Variants in MARCHF10 observed in about 807,000 individuals in gnomAD.
MARCHF10 encodes probable E3 ubiquitin-protein ligase MARCHF10.
A neutral mutation model predicts 76.2 loss-of-function variants in MARCHF10; 64 were observed. The observed-to-expected ratio is 0.84, with a 90% CI of 0.69 to 1.03. The LOEUF (loss-of-function observed/expected upper bound fraction) is 1.03, where lower values mean the gene tolerates loss of function less well. MARCHF10 is among the 50% of genes least tolerant of loss of function. MARCHF10 has a pLI of 0.00. For synonymous variants in MARCHF10, 340 were observed against 357.5 expected (o/e 0.95, Z 0.55); for missense variants, 875 against 958.0 (o/e 0.91, Z 1.14).
chr17:62,768,210 C>G (rs959592668), intron 3 of MARCHF10, among the ~76,000 whole-genome samples: 1 of 152,152 alleles, frequency 6.6e-6, no homozygotes, highest in African/African-American at 2.4e-5. Flanking sequence ...TAACATTACT[C>G]TAACATAGAA....
chr17:62,753,856 G>T (rs149737656), intron 4 of MARCHF10, among the ~76,000 whole-genome samples: 123 of 152,254 alleles, frequency 8.1e-4, no homozygotes, highest in African/African-American at 2.5e-3. Context: ...TGTGTTTTGT[G>T]TTCTGGTTCC....
chr17:62,807,276 A>G (rs927249783), intron 1 of MARCHF10, among the ~76,000 whole-genome samples: 1 of 152,204 alleles, frequency 6.6e-6, no homozygotes, highest in Admixed American at 6.5e-5. Flanking sequence ...CCAATTTAAG[A>G]ATACTGTGAC....
intron 3 of MARCHF10, among the ~76,000 whole-genome samples, 178 bp downstream of exon 3, chr17:62,788,302 G>T (rs2092778898): frequency 6.6e-6 from 1 of 152,190 alleles, no homozygotes; most frequent in Non-Finnish European, 1.5e-5. Context: ...GGTGTCCCCA[G>T]GAAGGGAGTT....
chr17:62,739,077 T>C (rs2091406254), intron 5 of MARCHF10, among the ~76,000 whole-genome samples: 1 of 152,150 alleles, frequency 6.6e-6, no homozygotes, highest in African/African-American at 2.4e-5. Flanking sequence ...GGTGGGCAGA[T>C]CACTTAAGGT....
At chr17:62,757,216 G>C (rs8067172) in intron 4 of MARCHF10, among the ~76,000 whole-genome samples, 193 of 152,144 alleles carry the variant, frequency 1.3e-3, no homozygotes, top group African/African-American at 4.5e-3. Context: ...ATGTTGCGAA[G>C]GAATTTCACT....
intron 10 of MARCHF10, among the ~76,000 whole-genome samples, chr17:62,702,744 G>A (rs1015037626): frequency 3.3e-5 from 5 of 152,152 alleles, no homozygotes; most frequent in African/African-American, 1.2e-4. Flanking sequence ...CACGGAGCAG[G>A]AGCAACTGAC....
chr17:62,790,605 T>C (rs1167593636), intron 2 of MARCHF10, among the ~76,000 whole-genome samples: 1 of 152,218 alleles, frequency 6.6e-6, no homozygotes. Context: ...ATATTGTTTG[T>C]AAACTAGGCC....
At chr17:62,729,043 G>C (rs969019957) in intron 6 of MARCHF10, among the ~76,000 whole-genome samples, 1 of 152,106 alleles carries the variant, frequency 6.6e-6, no homozygotes, top group African/African-American at 2.4e-5. Context: ...GGCTCAAAGT[G>C]ATCCTCCTGC....
intron 1 of MARCHF10, among the ~76,000 whole-genome samples, chr17:62,804,390 C>T (rs2093129511): frequency 6.6e-6 from 1 of 151,930 alleles, no homozygotes; most frequent in African/African-American, 2.4e-5. Context: ...GACACAGGGA[C>T]AAAACCTCGT....
rs369893899 is a variant in MARCHF10, at chr17:62,759,911, T to C, written c.306A>G (p.Thr102=). 8 of 1,614,138 alleles carry C rather than the reference T, an allele frequency of 5.0e-6. No homozygotes were observed. The highest frequency in any genetic ancestry group is 2.2e-5 in the East Asian group (1 of 44,886). The part of the protein sequence containing the change: ...CDSKLPAIDQ[T]SVKQKHKSTM... Reference sequence around the variant, plus strand: ...TACTTTTATGTTTCTGCTTGACTGATGTTTGGTCAATTGCTGGAAGTTTGG... The same window carrying C: ...TACTTTTATGTTTCTGCTTGACTGACGTTTGGTCAATTGCTGGAAGTTTGG... Residue 102 remains threonine, a synonymous_variant, in exon 4 of 11, where the codon ACA becomes ACG. Transcript: ENST00000311269.
chr17:62,776,610 C>G (rs2092559132), intron 3 of MARCHF10, among the ~76,000 whole-genome samples: 2 of 152,152 alleles, frequency 1.3e-5, no homozygotes, highest in African/African-American at 2.4e-5. Context: ...TCTCCAGCAC[C>G]CTGGTCTGCC....
intron 10 of MARCHF10, 151 bp from the exon 11 acceptor site, chr17:62,701,909 C>T (rs2089262621): frequency 1.0e-6 from 1 of 967,136 alleles, no homozygotes; most frequent in South Asian, 1.5e-5. Flanking sequence ...GTGTGGGGAA[C>T]AGAGACCTGC....
intron 7 of MARCHF10, among the ~76,000 whole-genome samples, 180 bp from the exon 8 acceptor site, chr17:62,722,777 T>G (rs1599096582): frequency 7.2e-6 from 1 of 138,542 alleles, no homozygotes; most frequent in Non-Finnish European, 1.7e-5. Flanking sequence ...AGCTGAAAAA[T>G]TTCCTTTGTA....
At chr17:62,801,444 T>C (rs1383186413) in intron 2 of MARCHF10, among the ~76,000 whole-genome samples, 2 of 150,224 alleles carry the variant, frequency 1.3e-5, no homozygotes, top group African/African-American at 2.4e-5. Context: ...TGAGCCACCG[T>C]GCCCAGCTAT....
At chr17:62,705,413 G>A (rs1342880330) in intron 10 of MARCHF10, 126 bp downstream of exon 10, 2 of 1,577,508 alleles carry the variant, frequency 1.3e-6, no homozygotes, top group African/African-American at 1.4e-5. Flanking sequence ...CAAGCTTTGC[G>A]GGGTTATTTT....
chr17:62,801,551 A>C, intron 2 of MARCHF10, 95 bp downstream of exon 2: 2 of 1,133,760 alleles, frequency 1.8e-6, no homozygotes, highest in South Asian at 1.3e-5. Context: ...ATTTTAGAAA[A>C]CTTTTACTGC....
intron 8 of MARCHF10, among the ~76,000 whole-genome samples, chr17:62,713,035 C>T (rs1037587804): frequency 6.6e-6 from 1 of 152,222 alleles, no homozygotes; most frequent in African/African-American, 2.4e-5. Context: ...GTAAGCCACC[C>T]TGCCTAGCCA....
At chr17:62,743,158 A>G (rs1396728574) in intron 5 of MARCHF10, among the ~76,000 whole-genome samples, 1 of 152,184 alleles carries the variant, frequency 6.6e-6, no homozygotes, top group Non-Finnish European at 1.5e-5. Context: ...CCAAGATGCC[A>G]TTGCTGGGAG....
intron 8 of MARCHF10, among the ~76,000 whole-genome samples, chr17:62,722,155 C>T (rs535934944): frequency 2.2e-4 from 34 of 151,900 alleles, no homozygotes; most frequent in African/African-American, 7.7e-4. Context: ...TGGTGGCACA[C>T]GCCTGTAATC....
Sources: allele counts gnomAD v4.1 joint callset (sites outside exome capture counted in the v4.1 genomes callset), GRCh38; gene constraint gnomAD v4.1.1; transcripts MANE v1.5; gene names NCBI Gene and HGNC (gene_info 2026-07-23, HGNC 2026-07-21).